AQR: variants seen among roughly 807,000 people sequenced by gnomAD.
AQR encodes the protein aquarius intron-binding spliceosomal factor.
Under a neutral mutation model 180.5 loss-of-function variants are expected in AQR, and 61 were observed. The observed-to-expected ratio is 0.34, with a 90% CI of 0.28 to 0.42. AQR has a LOEUF of 0.42. Among genes scored for constraint, AQR ranks in the 10% least tolerant of loss-of-function variants. The pLI is 1.00. For missense variants in AQR, 1,281 were observed against 1,798.3 expected, an observed-to-expected ratio of 0.71 and a Z score of 5.20; for synonymous variants, 551 against 588.8, an observed-to-expected ratio of 0.94 and a Z score of 0.93.
At chr15:34,869,342 A>T (rs1207229397) in intron 31 of AQR, 1 of 152,096 alleles carries the variant, frequency 6.6e-6, no homozygotes, top group African/African-American at 2.4e-5. Flanking sequence ...TCATTTGCCC[A>T]TTTTGTATTG....
In AQR at chr15:34,915,081, T is replaced by A; in HGVS notation, c.1441A>T (p.Ile481Phe). 6.2e-7 allele frequency: 1 copy of A among 1,612,924 alleles called. No individual in the cohort carries two copies. The highest frequency in any genetic ancestry group is 8.5e-7 in the Non-Finnish European group (1 of 1,179,770). The change falls in exon 16 of 35, where the codon ATT (isoleucine) becomes TTT (phenylalanine). Residue 481 changes from isoleucine to phenylalanine, a missense_variant. Ile to Phe is a conservative substitution (Grantham distance 21). Coordinates refer to ENST00000156471, the MANE Select transcript of AQR (RefSeq NM_014691.3). ...NLFRLESTYE[I>F]RQDIEDSVSR... is the part of the protein sequence containing the mutation. The stretch of plus-strand genomic sequence containing the variant: ...ACACTATCTTCAATGTCCTGACGAA[T>A]TTCATAAGTTGATTCTAAGCGGAAG...
intron 31 of AQR, among the ~76,000 whole-genome samples, chr15:34,870,422 T>C (rs1892800173): frequency 6.6e-6 from 1 of 152,038 alleles, no homozygotes; most frequent in African/African-American, 2.4e-5. Flanking sequence ...CTATACACAA[T>C]AAAAAGCAGT....
chr15:34,923,418 C>G (rs572484040), intron 13 of AQR, among the ~76,000 whole-genome samples: 1 of 152,218 alleles, frequency 6.6e-6, no homozygotes, highest in African/African-American at 2.4e-5. Context: ...TTATCAATGT[C>G]TTTCAAAGAG....
chr15:34,962,700 T>G (rs143106738), intron 2 of AQR, among the ~76,000 whole-genome samples: 2,014 of 150,410 alleles, frequency 0.013, 49 homozygotes, highest in African/African-American at 0.047. Context: ...ACCCAGGAGG[T>G]GGAGGCTGCA....
Position 34,918,249 on chromosome 15 carries a change from T to C in AQR, c.1342+9A>G. 1 of 1,610,912 alleles carries C rather than the reference T, an allele frequency of 6.2e-7. No homozygotes were observed. Among genetic ancestry groups the C allele is most frequent in the East Asian group, 2.2e-5 (1 of 44,802 alleles). On this transcript the variant is annotated intron_variant, in intron 15 of 34. Transcript: ENST00000156471. ...ATTGTACAGCTGAATCCATACTTCTTTACCATACCTTCTCCAGAATAGTAC... is the reference window on the plus strand; with the variant it reads ...ATTGTACAGCTGAATCCATACTTCTCTACCATACCTTCTCCAGAATAGTAC...
chr15:34,926,175 AAAAT>A (rs1442491154), intron 13 of AQR, among the ~76,000 whole-genome samples: 6 of 152,186 alleles, frequency 3.9e-5, no homozygotes, highest in African/African-American at 1.4e-4. Flanking sequence ...AAATAAAATA[AAAAT>A]AAATAAAAAA....
At chr15:34,921,676 C>T (rs1893686956) in intron 13 of AQR, among the ~76,000 whole-genome samples, 1 of 152,132 alleles carries the variant, frequency 6.6e-6, no homozygotes, top group South Asian at 2.1e-4. Flanking sequence ...GTTTCATCAC[C>T]TCCCCAAAAT....
intron 26 of AQR, 94 bp downstream of exon 26, chr15:34,884,431 C>G: frequency 8.8e-7 from 1 of 1,142,820 alleles, no homozygotes; most frequent in Non-Finnish European, 1.2e-6. Context: ...AACAAAAAAA[C>G]AAAAGATTTG....
chr15:34,963,562 CAA>C (rs2050292589), intron 2 of AQR, among the ~76,000 whole-genome samples: 1 of 151,492 alleles, frequency 6.6e-6, no homozygotes, highest in African/African-American at 2.4e-5. Flanking sequence ...TGTATATTTA[CAA>C]AGATATTTAT....
chr15:34,924,219 T>C (rs1893723044), intron 13 of AQR, among the ~76,000 whole-genome samples: 1 of 152,202 alleles, frequency 6.6e-6, no homozygotes, highest in African/African-American at 2.4e-5. Context: ...CACTTCCCTC[T>C]GTGTAAGGCC....
At chr15:34,942,180 A>G in intron 6 of AQR, 100 bp from the exon 7 acceptor site, 2 of 652,996 alleles carry the variant, frequency 3.1e-6, no homozygotes, top group Non-Finnish European at 4.8e-6. Context: ...CTGGAGGGAA[A>G]ACATGCCACA....
chr15:34,879,769 T>A (rs139802090), intron 27 of AQR, among the ~76,000 whole-genome samples: 1 of 152,198 alleles, frequency 6.6e-6, no homozygotes, highest in Admixed American at 6.5e-5. Flanking sequence ...TCACCCCCAA[T>A]AGACAACAGG....
intron 34 of AQR, 83 bp from the exon 35 acceptor site, chr15:34,857,189 T>C (rs2140455272): frequency 7.4e-7 from 1 of 1,347,544 alleles, no homozygotes; most frequent in African/African-American, 1.5e-5. Flanking sequence ...CATTCTAGAG[T>C]TCTCCAAAAC....
intron 22 of AQR, among the ~76,000 whole-genome samples, chr15:34,895,207 T>A (rs1320068181): frequency 6.2e-4 from 46 of 74,716 alleles, no homozygotes; most frequent in Middle Eastern, 0.012. Flanking sequence ...TATATATATA[T>A]ATATATATAT....
At chr15:34,923,297 G>C (rs538078293) in intron 13 of AQR, among the ~76,000 whole-genome samples, 1 of 152,234 alleles carries the variant, frequency 6.6e-6, no homozygotes, top group East Asian at 1.9e-4. Flanking sequence ...ATCCCCTGCG[G>C]AAAGTAGGGG....
chr15:34,875,833 A>C, intron 28 of AQR, 102 bp downstream of exon 28: 1 of 835,846 alleles, frequency 1.2e-6, no homozygotes, highest in Non-Finnish European at 1.9e-6. Context: ...AGGAAAATAC[A>C]TAACTATGGC....
chr15:34,902,199 G>C (rs1893342305), intron 19 of AQR, among the ~76,000 whole-genome samples: 1 of 152,108 alleles, frequency 6.6e-6, no homozygotes. Flanking sequence ...CTGAGAGGGA[G>C]AGTAAAATGA....
chr15:34,869,766 G>A (rs1892787875), intron 31 of AQR: 1 of 152,046 alleles, frequency 6.6e-6, no homozygotes. Context: ...TTTTCTTCCA[G>A]CTTACATTTC....
At position 34,870,903 on chromosome 15, in the gene AQR, T is replaced by A. The variant is rs1595781757; in HGVS notation, c.3617A>T (p.Tyr1206Phe). 4.3e-6 allele frequency: 7 copies of A among 1,612,528 alleles called. No homozygotes were observed. The highest frequency in any genetic ancestry group is 5.9e-6 in the Non-Finnish European group (7 of 1,179,148). The change falls in exon 31 of 35, where the codon TAT becomes TTT. Residue 1206 changes from tyrosine (Y) to phenylalanine (F), a missense_variant. Transcript: ENST00000156471. ...YFYQNLGEAE[Y>F]VVALFMYMCL... is the part of the protein sequence containing the mutation. Reference sequence around the variant, plus strand: ...CATGTACATAAAAAGTGCTACTACATATTCTGCCTCTCCAAGATTCTGTAA... The same window carrying A: ...CATGTACATAAAAAGTGCTACTACAAATTCTGCCTCTCCAAGATTCTGTAA...
Sources: allele counts gnomAD v4.1 joint callset (sites outside exome capture counted in the v4.1 genomes callset), GRCh38; gene constraint gnomAD v4.1.1; transcripts MANE v1.5; gene names NCBI Gene and HGNC (gene_info 2026-07-23, HGNC 2026-07-21).